The following KIF3B variants were observed in gnomAD, a reference collection of about 807,000 sequenced individuals.
KIF3B encodes the protein kinesin-like protein KIF3B.
Under a neutral mutation model 74.3 loss-of-function variants are expected in KIF3B, and 38 were observed. That is an observed-to-expected ratio of 0.51 (90% confidence interval 0.39 to 0.67). The LOEUF is 0.67. Among genes scored for constraint, KIF3B ranks in the 30% least tolerant of loss-of-function variants. KIF3B has a pLI of 0.00. For missense variants in KIF3B, 649 were observed against 932.0 expected (o/e 0.70, Z 3.95); for synonymous variants, 326 against 342.5 (o/e 0.95, Z 0.53).
chr20:32,323,126 T>A (rs1187689699), intron 5 of KIF3B, among the ~76,000 whole-genome samples: 2 of 93,208 alleles, frequency 2.1e-5, no homozygotes, highest in Non-Finnish European at 4.4e-5. Context: ...ATATTTATAT[T>A]TATATATTTA....
chr20:32,333,624 C>G lies in KIF3B; in HGVS notation c.*2305C>G, dbSNP rs1392607683. 9.7e-6 allele frequency: 1 copy of G among 103,620 alleles called. No homozygotes were observed. The highest frequency in any genetic ancestry group is 3.0e-4 in the East Asian group (1 of 3,376). 6.4% of individuals were successfully genotyped at this position (103,620 alleles called of 1,614,324 possible). ...TTCCAGCCTGGGTGACAGAGTGAGA[C>G]TCCCCCTCAAAAAAAAAAAAAAAAA... is the stretch of plus-strand genomic sequence containing the variant. On this transcript the variant is annotated 3_prime_UTR_variant, in exon 9 of 9. Coordinates refer to ENST00000375712, the MANE Select transcript of KIF3B (RefSeq NM_004798.4).
chr20:32,314,948 C>T (rs889745410), intron 2 of KIF3B, among the ~76,000 whole-genome samples: 8 of 152,162 alleles, frequency 5.3e-5, no homozygotes, highest in African/African-American at 1.9e-4. Context: ...GGAAGCCAGA[C>T]CCCTGGGAGT....
chr20:32,295,105 T>G (rs2047710519), intron 1 of KIF3B, among the ~76,000 whole-genome samples: 1 of 152,090 alleles, frequency 6.6e-6, no homozygotes, highest in Non-Finnish European at 1.5e-5. Flanking sequence ...TTCCAAGAAA[T>G]GGAATTGCTG....
chr20:32,287,559 A>C (rs928537809), intron 1 of KIF3B, among the ~76,000 whole-genome samples: 4 of 150,678 alleles, frequency 2.7e-5, no homozygotes, highest in Non-Finnish European at 5.9e-5. Context: ...GGCCTCAAGC[A>C]ATGCTCCTGA....
chr20:32,298,233 C>T (rs182174332), intron 1 of KIF3B, among the ~76,000 whole-genome samples: 33 of 151,832 alleles, frequency 2.2e-4, no homozygotes, highest in Non-Finnish European at 4.1e-4. Flanking sequence ...GCTGGGAGTT[C>T]GAGACCAGCC....
intron 5 of KIF3B, among the ~76,000 whole-genome samples, chr20:32,323,088 TTATATTTATATATTTATA>T (rs1469202864): frequency 4.4e-5 from 1 of 22,784 alleles, no homozygotes; most frequent in African/African-American, 2.1e-4. Context: ...TTATATATAT[TTATATTTATATATTTATA>T]TATATTTATA....
At chr20:32,312,286 G>A (rs1179508386) in intron 2 of KIF3B, among the ~76,000 whole-genome samples, 5 of 151,568 alleles carry the variant, frequency 3.3e-5, no homozygotes, top group Non-Finnish European at 7.4e-5. Context: ...TAAATTTTTT[G>A]TAGAGACATG....
rs2047938355 is a variant in KIF3B, at chr20:32,333,264, A to G, written c.*1945A>G. 6.6e-6 allele frequency: 1 copy of G among 152,122 alleles called. No homozygotes were observed. Among genetic ancestry groups the G allele is most frequent in the South Asian group, 2.1e-4 (1 of 4,824 alleles). The allele number at this position is 152,122 out of a possible 1,614,324, so 9.4% of individuals were successfully genotyped here. A position where few individuals can be genotyped will look rare whatever the true frequency, so the allele number is the denominator to read the frequency against. ...TTTCTGCTGGTTACACGTGTCTCTC[A>G]CACCACATTTCCTCAAAGCTAATCT... is the stretch of plus-strand genomic sequence containing the variant. On this transcript the variant is annotated 3_prime_UTR_variant, in exon 9 of 9. Transcript: ENST00000375712.
At chr20:32,283,386 C>T (rs1360297171) in intron 1 of KIF3B, among the ~76,000 whole-genome samples, 1 of 152,000 alleles carries the variant, frequency 6.6e-6, no homozygotes. Context: ...CACCTGTAAT[C>T]CCAGCTACTC....
At chr20:32,307,017 A>T (rs565562162) in intron 1 of KIF3B, among the ~76,000 whole-genome samples, 12 of 152,324 alleles carry the variant, frequency 7.9e-5, no homozygotes, top group African/African-American at 2.4e-4. Flanking sequence ...TATAACATGC[A>T]TATATCCCCC....
intron 1 of KIF3B, among the ~76,000 whole-genome samples, chr20:32,298,750 C>A (rs1360234052): frequency 6.7e-6 from 1 of 150,120 alleles, no homozygotes; most frequent in African/African-American, 2.4e-5. Flanking sequence ...CTGACTGTAA[C>A]CTCCACCTCC....
At chr20:32,289,351 G>A (rs2047680814) in intron 1 of KIF3B, among the ~76,000 whole-genome samples, 1 of 152,108 alleles carries the variant, frequency 6.6e-6, no homozygotes, top group Admixed American at 6.6e-5. Context: ...CTGCCACCAT[G>A]CCCGGCTAAT....
intron 1 of KIF3B, among the ~76,000 whole-genome samples, chr20:32,282,046 C>A (rs544689018): frequency 6.6e-6 from 1 of 152,212 alleles, no homozygotes; most frequent in South Asian, 2.1e-4. Context: ...CTGTGGAAAT[C>A]ATTGGAGGTT....
rs751501042 is a variant in KIF3B, at chr20:32,310,455, C to T, written c.678C>T (p.Ser226=). 1.5e-5 allele frequency: 25 copies of T among 1,613,878 alleles called. No individual in the cohort carries two copies. In the South Asian group the frequency reaches 2.0e-4, roughly 13 times the overall value. The change falls in exon 2 of 9, where the codon AGC becomes AGT. Residue 226 remains serine, a synonymous_variant. Coordinates refer to ENST00000375712, the MANE Select transcript of KIF3B (RefSeq NM_004798.4). This position sits in a 1 kb window ranked among gnomAD's most constrained non-coding sequence, Gnocchi z 6.5. ...TTTTCGTTATCACTATTGAGTGCAG[C>T]GAGGTGGGCCTCGATGGTGAAAACC... ...HAIFVITIEC[S]EVGLDGENHI...
intron 2 of KIF3B, among the ~76,000 whole-genome samples, chr20:32,313,413 C>T (rs2047811772): frequency 6.6e-6 from 1 of 152,090 alleles, no homozygotes; most frequent in South Asian, 2.1e-4. Context: ...TCTTTGCCTC[C>T]CTCCTACCCC....
intron 7 of KIF3B, among the ~76,000 whole-genome samples, chr20:32,328,340 C>T (rs569822448): frequency 7.9e-5 from 12 of 152,050 alleles, no homozygotes; most frequent in East Asian, 1.9e-4. Flanking sequence ...AGGAGAATGG[C>T]GTGAACCCAG....
intron 5 of KIF3B, among the ~76,000 whole-genome samples, chr20:32,322,823 T>C (rs1360274484): frequency 1.4e-5 from 1 of 70,392 alleles, no homozygotes; most frequent in Non-Finnish European, 2.3e-5. Flanking sequence ...TATATATATT[T>C]ATATGTATAT....
rs1175469592 is a variant in KIF3B at position 32,334,283 on chromosome 20, C to T, written c.*2964C>T. On this transcript the variant is annotated 3_prime_UTR_variant, in exon 9 of 9. Transcript: ENST00000375712. ...AGAACCCAAGGCCACAAATCATAGG[C>T]ATGAAGCACTTTCTTAAGACTGACC... 6.5e-6 allele frequency: 1 copy of T among 152,716 alleles called. No homozygotes were observed. The highest frequency in any genetic ancestry group is 1.5e-5 in the Non-Finnish European group (1 of 68,138). The allele number at this position is 152,716 out of a possible 1,614,324, so 9.5% of individuals were successfully genotyped here. A position where few individuals can be genotyped will look rare whatever the true frequency, so the allele number is the denominator to read the frequency against.
At chr20:32,324,454 G>T (rs1600438662) in intron 5 of KIF3B, among the ~76,000 whole-genome samples, 2 of 152,232 alleles carry the variant, frequency 1.3e-5, no homozygotes, top group Middle Eastern at 3.4e-3. Context: ...TTCATTTCTA[G>T]TAGGTTCCAG....
Sources: allele counts gnomAD v4.1 joint callset (sites outside exome capture counted in the v4.1 genomes callset), GRCh38; gene constraint gnomAD v4.1.1; non-coding constraint Gnocchi (gnomAD v3.1); transcripts MANE v1.5; gene names NCBI Gene and HGNC (gene_info 2026-07-23, HGNC 2026-07-21).